RFC4: variants seen among roughly 807,000 people sequenced by gnomAD.
RFC4 encodes the protein replication factor C subunit 4.
RFC4 carries 38 observed loss-of-function variants against 47.6 expected under a neutral mutation model. The observed-to-expected ratio is 0.80, with a 90% CI of 0.62 to 1.05. The LOEUF is 1.05. Ranked by LOEUF, RFC4 falls within the 50% of genes least tolerant of loss-of-function variation. The pLI is 0.00. For synonymous variants in RFC4, 164 were observed against 150.0 expected, an observed-to-expected ratio of 1.09 and a Z score of -0.68; for missense variants, 489 against 434.0, an observed-to-expected ratio of 1.13 and a Z score of -1.13.
At chr3:186,802,688 C>T (rs16861184) in intron 2 of RFC4, among the ~76,000 whole-genome samples, 35,792 of 152,006 alleles carry the variant, frequency 0.24, 4,970 homozygotes, top group East Asian at 0.41. Flanking sequence ...TTCTTTGATC[C>T]ATACTTTTCG....
At chr3:186,794,486 A>G (rs1354530247) in intron 5 of RFC4, among the ~76,000 whole-genome samples, 172 bp downstream of exon 5, 2 of 152,244 alleles carry the variant, frequency 1.3e-5, no homozygotes, top group Non-Finnish European at 1.5e-5. Context: ...CCTAAGGAGC[A>G]TAAGTAGTTG....
At chr3:186,790,780 T>C (rs1722099497) in intron 8 of RFC4, among the ~76,000 whole-genome samples, 1 of 151,670 alleles carries the variant, frequency 6.6e-6, no homozygotes, top group Non-Finnish European at 1.5e-5. Flanking sequence ...GCCCTTTCTC[T>C]CAATGTCTCC....
intron 2 of RFC4, among the ~76,000 whole-genome samples, chr3:186,801,890 G>T (rs889591555): frequency 6.6e-6 from 1 of 151,310 alleles, no homozygotes; most frequent in Non-Finnish European, 1.5e-5. Flanking sequence ...GGGCATGGTG[G>T]TGCATGCCTG....
chr3:186,805,396 AT>A (rs2108474702), intron 1 of RFC4, among the ~76,000 whole-genome samples: 1 of 152,100 alleles, frequency 6.6e-6, no homozygotes, highest in South Asian at 2.1e-4. Context: ...AATTTTTTAA[AT>A]TTTTGGTAGA....
In RFC4 at chr3:186,793,018, AC is replaced by A; in HGVS notation, c.411-72del. 2 of 1,261,174 alleles carry A rather than the reference AC, an allele frequency of 1.6e-6. No individual in the cohort carries two copies. The highest frequency in any genetic ancestry group is 4.8e-5 in the East Asian group (2 of 41,354). The allele number at this position is 1,261,174 out of a possible 1,614,324, so 78.1% of individuals were successfully genotyped here. A position where few individuals can be genotyped will look rare whatever the true frequency, so the allele number is the denominator to read the frequency against. On this transcript the variant is annotated intron_variant, in intron 5 of 10. Transcript: ENST00000296273. The surrounding 1 kb of genome is among the most constrained non-coding windows in gnomAD (Gnocchi z 4.2). ...GGTTTTAACAGCTTTGTTGAAAGAT[AC>A]ACGTACCATACAATTCACCCATTTA...
At chr3:186,804,801 G>C in intron 1 of RFC4, 77 bp from the exon 2 acceptor site, 1 of 1,382,816 alleles carries the variant, frequency 7.2e-7, no homozygotes, top group Non-Finnish European at 1.0e-6. Flanking sequence ...GAAAGCGGGG[G>C]TGGTGGTGGG....
intron 4 of RFC4, among the ~76,000 whole-genome samples, chr3:186,797,156 C>T (rs1378743839): frequency 1.3e-5 from 2 of 152,198 alleles, no homozygotes; most frequent in East Asian, 3.8e-4. Context: ...CCATCAGAAA[C>T]AGCAGATTCT....
Position 186,789,947 on chromosome 3 carries a change from C to T in RFC4, c.*22G>A, listed in dbSNP as rs370298695. On this transcript the variant is annotated 3_prime_UTR_variant, in exon 11 of 11. Transcript: ENST00000296273. ...ATTACAACTTCATTATTTACAAAAC[C>T]CCCCATCCAGATATATTCACGTTAA... The T allele has an allele frequency of 2.1e-6, 3 of 1,422,260 alleles. No individual in the cohort carries two copies. The highest frequency in any genetic ancestry group is 4.6e-5 in the East Asian group (2 of 43,658). 88.1% of individuals were successfully genotyped at this position (1,422,260 alleles called of 1,614,324 possible). A position where few individuals can be genotyped will look rare whatever the true frequency, so the allele number is the denominator to read the frequency against.
intron 3 of RFC4, 112 bp downstream of exon 3, chr3:186,801,005 C>T: frequency 2.6e-6 from 2 of 776,312 alleles, no homozygotes; most frequent in Non-Finnish European, 2.2e-6. Context: ...CAAGGACCTA[C>T]TGTACACAGA....
Position 186,801,152 on chromosome 3 carries a change from C to T in RFC4, c.175G>A (p.Val59Ile). 1 of 1,614,124 alleles carries T rather than the reference C, an allele frequency of 6.2e-7. No homozygotes were observed. Among genetic ancestry groups the T allele is most frequent in the Non-Finnish European group, 8.5e-7 (1 of 1,179,988 alleles). ...VDEVAFQEEV[V>I]AVLKKSLEGA... ...TCTAAAGATTTTTTCAGCACTGCAA[C>T]CACTTCTTCCTGGAAAGCAACTTCA... The change falls in exon 3 of 11, where the codon GTT becomes ATT. Residue 59 changes from valine (V) to isoleucine (I), a missense_variant. Coordinates refer to ENST00000296273, the MANE Select transcript of RFC4 (RefSeq NM_002916.5).
rs1407555408 is a variant in RFC4 at position 186,796,837 on chromosome 3, T to C, written c.290+698A>G. Among the ~76,000 whole-genome samples the C allele has an allele frequency of 2.0e-5, 3 of 152,234 alleles. No individual in the cohort carries two copies. The highest frequency in any genetic ancestry group is 4.4e-5 in the Non-Finnish European group (3 of 68,038). On this transcript the variant is annotated intron_variant, in intron 4 of 10. Transcript: ENST00000296273. This position sits in a 1 kb window ranked among gnomAD's most constrained non-coding sequence, Gnocchi z 4.2. ...TCAGTTGTATGTCTGATATTAATTC[T>C]GGATAAACTCAAAACAGCCTTTGTT...
chr3:186,793,726 CT>C lies in RFC4; in HGVS notation c.411-780del, dbSNP rs529901068. On this transcript the variant is annotated intron_variant, in intron 5 of 10. Transcript: ENST00000296273. This position sits in a 1 kb window ranked among gnomAD's most constrained non-coding sequence, Gnocchi z 4.2. ...CGAAATGTCTATGCAGATCCTTTGCCTTTTTTTTTTTTTTGAGATAGAGTCT... is the reference window on the plus strand; with the variant it reads ...CGAAATGTCTATGCAGATCCTTTGCCTTTTTTTTTTTTTGAGATAGAGTCT... Among the ~76,000 whole-genome samples, 371 of 141,814 alleles carry C rather than the reference CT, an allele frequency of 2.6e-3. No homozygotes were observed. Among genetic ancestry groups the C allele is most frequent in the Non-Finnish European group, 2.7e-3 (172 of 64,600 alleles). 93.0% of individuals were successfully genotyped at this position (141,814 alleles called of 152,430 possible). A position where few individuals can be genotyped will look rare whatever the true frequency, so the allele number is the denominator to read the frequency against.
chr3:186,800,176 T>G (rs1266359632), intron 3 of RFC4, among the ~76,000 whole-genome samples: 1 of 152,080 alleles, frequency 6.6e-6, no homozygotes, highest in Non-Finnish European at 1.5e-5. Context: ...AGGCTGGTCT[T>G]GAACTCCTGA....
At chr3:186,801,393 A>G in intron 2 of RFC4, 198 bp from the exon 3 acceptor site, 2 of 582,086 alleles carry the variant, frequency 3.4e-6, no homozygotes, top group Non-Finnish European at 6.1e-6. Context: ...AAAGAGTGAA[A>G]TAATGTTTTA....
rs1209524298 is a variant in RFC4, at chr3:186,792,472, G to T, written c.675+18C>A. ...AAAGGAATTAGTAACTCTAATAATTGTAATAATTAGTAATTACCTCATCAC... is the reference window on the plus strand; with the variant it reads ...AAAGGAATTAGTAACTCTAATAATTTTAATAATTAGTAATTACCTCATCAC... On this transcript the variant is annotated intron_variant, in intron 7 of 10. Coordinates refer to ENST00000296273, the MANE Select transcript of RFC4 (RefSeq NM_002916.5). The T allele has an allele frequency of 1.3e-6, 2 of 1,597,136 alleles. No individual in the cohort carries two copies. The highest frequency in any genetic ancestry group is 1.7e-5 in the Admixed American group (1 of 59,854).
intron 2 of RFC4, among the ~76,000 whole-genome samples, chr3:186,803,473 T>C (rs1722403562): frequency 6.6e-6 from 1 of 152,190 alleles, no homozygotes. Flanking sequence ...TAGTTACAAT[T>C]ACTTGTGGTA....
At chr3:186,792,068 A>C (rs1722152998) in intron 7 of RFC4, among the ~76,000 whole-genome samples, 1 of 152,172 alleles carries the variant, frequency 6.6e-6, no homozygotes, top group Non-Finnish European at 1.5e-5. Flanking sequence ...GAGATGAAAA[A>C]ATGTTCCATA....
intron 4 of RFC4, 40 bp from the exon 5 acceptor site, chr3:186,794,817 G>A (rs1242758342): frequency 6.2e-7 from 1 of 1,608,174 alleles, no homozygotes; most frequent in African/African-American, 1.3e-5. Flanking sequence ...TAGAGCACAA[G>A]TAGGCTTAAA....
In RFC4 at chr3:186,789,932, C is replaced by G; in HGVS notation, c.*37G>C. ...GGTCATTTTATTTTTATTACAACTT[C>G]ATTATTTACAAAACCCCCCATCCAG... On this transcript the variant is annotated 3_prime_UTR_variant, in exon 11 of 11. Coordinates refer to ENST00000296273, the MANE Select transcript of RFC4 (RefSeq NM_002916.5). The G allele has an allele frequency of 7.8e-7, 1 of 1,276,628 alleles. No individual in the cohort carries two copies. The highest frequency in any genetic ancestry group is 1.1e-6 in the Non-Finnish European group (1 of 887,606). 79.1% of individuals were successfully genotyped at this position (1,276,628 alleles called of 1,614,324 possible). A position where few individuals can be genotyped will look rare whatever the true frequency, so the allele number is the denominator to read the frequency against.
Sources: gnomAD v4.1 joint callset for allele counts (sites outside exome capture counted in the v4.1 genomes callset) on GRCh38, gnomAD v4.1.1 for gene constraint, Gnocchi (gnomAD v3.1) non-coding constraint, MANE v1.5 for transcripts, NCBI Gene and HGNC (gene_info 2026-07-23, HGNC 2026-07-21) for gene names.